Variants in HNF4G observed in about 807,000 individuals in gnomAD.
HNF4G encodes the protein hepatocyte nuclear factor 4 gamma, also known as hepatocyte nuclear factor 4-gamma.
Under a neutral mutation model 50.9 loss-of-function variants are expected in HNF4G, and 21 were observed. The ratio of observed to expected loss-of-function variants is 0.41; its 90% CI spans 0.29 to 0.59. HNF4G has a LOEUF of 0.59. Among genes scored for constraint, HNF4G ranks in the 20% least tolerant of loss-of-function variants. The probability of loss-of-function intolerance (pLI) is 0.26; values close to 1 mark genes in which losing one functional copy is unlikely to be tolerated. For synonymous variants in HNF4G, 198 were observed against 185.6 expected (o/e 1.07, Z -0.54); for missense variants, 527 against 559.4 (o/e 0.94, Z 0.58).
intron 2 of HNF4G, among the ~76,000 whole-genome samples, chr8:75,518,997 C>T (rs1805968174): frequency 6.6e-6 from 1 of 152,176 alleles, no homozygotes; most frequent in Admixed American, 6.5e-5. Context: ...CAATTCCAAA[C>T]CATATCTTTT....
At position 75,475,985 on chromosome 8, in the gene HNF4G, T is replaced by C. The variant is rs558346287; in HGVS notation, c.-143-14104T>C. On this transcript the variant is annotated intron_variant, in intron 1 of 10. Coordinates refer to the HNF4G transcript ENST00000354370. ...TGAATTTGGGGCGTACACATGCAGG[T>C]TTGTTACATGGACATACTGTGTAAT... Among the ~76,000 whole-genome samples the C allele has an allele frequency of 1.1e-4, 17 of 152,266 alleles. No homozygotes were observed. In the South Asian group the frequency reaches 3.5e-3, roughly 32 times the overall value.
intron 2 of HNF4G, among the ~76,000 whole-genome samples, chr8:75,502,746 TA>T (rs1812964831): frequency 6.6e-6 from 1 of 152,174 alleles, no homozygotes; most frequent in Non-Finnish European, 1.5e-5. Context: ...TAATTTGACC[TA>T]AAAAATTTGA....
rs150020324 is a variant in HNF4G, at chr8:75,421,725, C to T, written c.-144+13563C>T. On this transcript the variant is annotated intron_variant, in intron 1 of 10. Coordinates refer to the HNF4G transcript ENST00000354370. ...AAGATTTTTTGGCTTCACCCCGGGA[C>T]TCAGTAGGTCTAGGATGGTGCCGAG... Among the ~76,000 whole-genome samples the T allele has an allele frequency of 5.8e-4, 89 of 152,236 alleles. 1 individual carries two copies. The East Asian group carries it at 0.017, about 29-fold the overall frequency.
At chr8:75,478,852 C>A (rs865970004) in intron 1 of HNF4G, among the ~76,000 whole-genome samples, 4 of 152,110 alleles carry the variant, frequency 2.6e-5, no homozygotes, top group African/African-American at 9.7e-5. Flanking sequence ...GCCTCCCAAG[C>A]AGCTGGGATT....
intron 1 of HNF4G, among the ~76,000 whole-genome samples, chr8:75,420,742 G>A (rs762032322): frequency 9.2e-5 from 14 of 152,198 alleles, no homozygotes; most frequent in Non-Finnish European, 1.5e-4. Context: ...CAGCTGACTG[G>A]GAGGTCTCAG....
In HNF4G at chr8:75,559,011, A is replaced by G. The variant is rs138897994; in HGVS notation, c.1097A>G (p.Asn366Ser). The G allele has an allele frequency of 9.6e-5, 154 of 1,602,454 alleles. No individual in the cohort carries two copies. Among genetic ancestry groups the G allele is most frequent in the African/African-American group, 2.7e-4 (20 of 74,658 alleles). The change falls in exon 8 of 10, where the codon AAT becomes AGT. Residue 366 changes from asparagine (N) to serine (S), a missense_variant. Transcript: ENST00000396423. ...CTTTTTGGGATGGTTAAAATTGACA[A>G]TCTACTTCAGGAAATGCTATTAGGT... ...VKLFGMVKID[N>S]LLQEMLLGGA...
intron 2 of HNF4G, among the ~76,000 whole-genome samples, chr8:75,504,592 T>A (rs1325156275): frequency 6.6e-6 from 1 of 152,214 alleles, no homozygotes; most frequent in Non-Finnish European, 1.5e-5. Flanking sequence ...ACACATAATG[T>A]CATTTACAAA....
chr8:75,473,702 G>C (rs906912437), intron 1 of HNF4G, among the ~76,000 whole-genome samples: 5 of 152,144 alleles, frequency 3.3e-5, no homozygotes, highest in African/African-American at 1.2e-4. Flanking sequence ...AGATTAGACA[G>C]CTTAAACTTT....
At chr8:75,524,198 T>C (rs1432872027) in intron 2 of HNF4G, among the ~76,000 whole-genome samples, 2 of 152,134 alleles carry the variant, frequency 1.3e-5, no homozygotes, top group Non-Finnish European at 2.9e-5. Context: ...ATTAATGCAG[T>C]TATTAAATAA....
intron 1 of HNF4G, among the ~76,000 whole-genome samples, chr8:75,471,811 G>A (rs1438592804): frequency 2.6e-5 from 4 of 152,166 alleles, no homozygotes; most frequent in Non-Finnish European, 5.9e-5. Context: ...CCAATGTTGT[G>A]AGGATTAATT....
intron 9 of HNF4G, among the ~76,000 whole-genome samples, chr8:75,561,924 A>G (rs376575749): frequency 2.6e-5 from 4 of 152,138 alleles, no homozygotes; most frequent in East Asian, 3.8e-4. Flanking sequence ...TGGTGATACA[A>G]ATCTCTAATT....
intron 1 of HNF4G, among the ~76,000 whole-genome samples, chr8:75,449,653 C>G (rs1811531860): frequency 6.6e-6 from 1 of 151,664 alleles, no homozygotes; most frequent in South Asian, 2.1e-4. Flanking sequence ...ACTACAGGCT[C>G]CCGCCACCAC....
intron 1 of HNF4G, among the ~76,000 whole-genome samples, chr8:75,456,839 TA>T (rs1811735281): frequency 1.3e-5 from 2 of 152,042 alleles, no homozygotes; most frequent in Non-Finnish European, 2.9e-5. Context: ...TGCCTGGATT[TA>T]AGCGATTCCC....
chr8:75,551,133 G>A (rs1465240966), intron 3 of HNF4G, among the ~76,000 whole-genome samples: 1 of 151,974 alleles, frequency 6.6e-6, no homozygotes, highest in African/African-American at 2.4e-5. Context: ...ACAGCGTGGC[G>A]GAACTGGCTG....
At chr8:75,519,992 GT>G (rs1228475138) in intron 2 of HNF4G, among the ~76,000 whole-genome samples, 1 of 151,644 alleles carries the variant, frequency 6.6e-6, no homozygotes, top group Admixed American at 6.6e-5. Context: ...TTTGTTTTCT[GT>G]TTCTTTTTTT....
At chr8:75,515,954 A>T (rs1000498928) in intron 2 of HNF4G, among the ~76,000 whole-genome samples, 64 of 152,250 alleles carry the variant, frequency 4.2e-4, no homozygotes, top group African/African-American at 1.3e-3. Flanking sequence ...TAGTAGAGAC[A>T]GGGTTTCTCA....
intron 2 of HNF4G, among the ~76,000 whole-genome samples, chr8:75,512,538 C>T (rs1317979009): frequency 6.6e-6 from 1 of 151,716 alleles, no homozygotes; most frequent in African/African-American, 2.4e-5. Context: ...AATCTCAGCT[C>T]ACTGCAAGCT....
At position 75,511,824 on chromosome 8, in the gene HNF4G, C is replaced by G. The variant is rs1184898160; in HGVS notation, c.-24+21616C>G. ...CGATCTCCTGACCTCGTGATCCACC[C>G]GCCTCGGCCTCCCAGAGTGCTGGGA... On this transcript the variant is annotated intron_variant, in intron 2 of 10. Transcript: ENST00000354370. Among the ~76,000 whole-genome samples the G allele has an allele frequency of 3.3e-5, 5 of 152,262 alleles. No individual in the cohort carries two copies. The East Asian group carries it at 9.7e-4, about 29-fold the overall frequency.
At chr8:75,428,634 A>G (rs1048278226) in intron 1 of HNF4G, among the ~76,000 whole-genome samples, 1 of 152,206 alleles carries the variant, frequency 6.6e-6, no homozygotes, top group African/African-American at 2.4e-5. Context: ...AAACAAAGGA[A>G]AAAAAGAGGA....
Sources: allele counts gnomAD v4.1 joint callset (sites outside exome capture counted in the v4.1 genomes callset), GRCh38; gene constraint gnomAD v4.1.1; transcripts MANE v1.5; gene names NCBI Gene and HGNC (gene_info 2026-07-23, HGNC 2026-07-21).